Variants in IL17RA observed in about 807,000 individuals in gnomAD.
The protein encoded by IL17RA is interleukin 17 receptor A, also known as interleukin-17 receptor A.
A neutral mutation model predicts 50.4 loss-of-function variants in IL17RA; 34 were observed. That is an observed-to-expected ratio of 0.67 (90% CI 0.51 to 0.90). The LOEUF is 0.90. IL17RA is among the 40% of genes least tolerant of loss of function. IL17RA has a pLI of 0.00. For missense variants in IL17RA, 1,276 were observed against 1,169.8 expected, an observed-to-expected ratio of 1.09 and a Z score of -1.32; for synonymous variants, 585 against 510.4, an observed-to-expected ratio of 1.15 and a Z score of -1.97.
Position 17,108,588 on chromosome 22 carries a change from G to A in IL17RA, c.1369G>A (p.Ala457Thr). Reference protein sequence around the residue: ...CSRGTRAKWQALLGRGAPVRL... With the variant: ...CSRGTRAKWQTLLGRGAPVRL... ...CCGCGGCACGCGCGCCAAGTGGCAG[G>A]CGCTCCTGGGCCGGGGGGCGCCTGT... The change falls in exon 13 of 13, where the codon GCG becomes ACG. Residue 457 changes from alanine (A) to threonine (T), a missense_variant. Transcript: ENST00000319363. The A allele has an allele frequency of 6.2e-7, 1 of 1,605,286 alleles. No individual in the cohort carries two copies. Among genetic ancestry groups the A allele is most frequent in the Non-Finnish European group, 8.5e-7 (1 of 1,179,670 alleles).
chr22:17,097,223 G>A (rs112952796), intron 2 of IL17RA, 137 bp downstream of exon 2: 75 of 800,030 alleles, frequency 9.4e-5, no homozygotes, highest in African/African-American at 5.7e-4. Flanking sequence ...GAGGGTTCCC[G>A]GAGAATTGTG....
intron 7 of IL17RA, 148 bp downstream of exon 7, chr22:17,102,450 C>T (rs531611881): frequency 5.0e-5 from 43 of 866,976 alleles, no homozygotes; most frequent in Non-Finnish European, 7.3e-5. Flanking sequence ...TGGCGCCTTG[C>T]CCTTTTTCTT....
chr22:17,094,679 C>CTATATA (rs1165282064), intron 1 of IL17RA, among the ~76,000 whole-genome samples: 1 of 48,932 alleles, frequency 2.0e-5, no homozygotes, highest in South Asian at 5.7e-4. Flanking sequence ...CTCTCTCTCT[C>CTATATA]TCTCTCTCTC....
Position 17,110,822 on chromosome 22 carries a change from G to C in IL17RA, c.*1002G>C, listed in dbSNP as rs1266002821. On this transcript the variant is annotated 3_prime_UTR_variant, in exon 13 of 13. Transcript: ENST00000319363. ...AGCCTGGGCAGCAGAGTGAGACCCT[G>C]TCTCAAAAAAAATAAAAAAGTAGAA... The C allele has an allele frequency of 6.6e-6, 1 of 152,392 alleles. No homozygotes were observed. The highest frequency in any genetic ancestry group is 2.4e-5 in the African/African-American group (1 of 41,426). 9.4% of individuals were successfully genotyped at this position (152,392 alleles called of 1,614,324 possible).
At position 17,108,610 on chromosome 22, in the gene IL17RA, C is replaced by T. The variant is rs746436173; in HGVS notation, c.1391C>T (p.Pro464Leu). ...KWQALLGRGA[P>L]VRLRCDHGKP... ...CAGGCGCTCCTGGGCCGGGGGGCGCCTGTGCGGCTGCGCTGCGACCACGGA... is the reference window on the plus strand; with the variant it reads ...CAGGCGCTCCTGGGCCGGGGGGCGCTTGTGCGGCTGCGCTGCGACCACGGA... The change falls in exon 13 of 13, where the codon CCT (proline) becomes CTT (leucine). Residue 464 changes from proline to leucine, a missense_variant. By Grantham distance (98) the Pro-to-Leu change is moderately conservative (BLOSUM62 -3). Coordinates refer to ENST00000319363, the MANE Select transcript of IL17RA (RefSeq NM_014339.7). 5 of 1,604,426 alleles carry T rather than the reference C, an allele frequency of 3.1e-6. No individual in the cohort carries two copies. In the African/African-American group the frequency reaches 6.7e-5, roughly 21 times the overall value.
chr22:17,098,894 A>G lies in IL17RA; in HGVS notation c.423+7A>G. 6.2e-7 allele frequency: 1 copy of G among 1,606,862 alleles called. No individual in the cohort carries two copies. The highest frequency in any genetic ancestry group is 8.5e-7 in the Non-Finnish European group (1 of 1,173,360). ...GAGGCATCACCACAGGCGGGTAAGA[A>G]CACAGCTCCTGAGTGGATTATGTTC... On this transcript the variant is annotated splice_region_variant and intron_variant, in intron 4 of 12. Coordinates refer to ENST00000319363, the MANE Select transcript of IL17RA (RefSeq NM_014339.7).
chr22:17,106,302 C>T (rs964464954), intron 11 of IL17RA, among the ~76,000 whole-genome samples: 12 of 152,142 alleles, frequency 7.9e-5, no homozygotes, highest in African/African-American at 9.7e-5. Flanking sequence ...AGCCGCCAGA[C>T]GTGGACGCCT....
intron 3 of IL17RA, 61 bp from the exon 4 acceptor site, chr22:17,098,714 C>A: frequency 7.5e-7 from 1 of 1,341,902 alleles, no homozygotes; most frequent in Non-Finnish European, 1.1e-6. Context: ...GGAAGTGACA[C>A]ACCCAGCACT....
chr22:17,086,832 G>C (rs1286354659), intron 1 of IL17RA, among the ~76,000 whole-genome samples: 1 of 152,238 alleles, frequency 6.6e-6, no homozygotes, highest in Non-Finnish European at 1.5e-5. Context: ...AAGTGGGACA[G>C]GGTACGGTGT....
chr22:17,110,129 G>A lies in IL17RA; in HGVS notation c.*309G>A, dbSNP rs915443106. The A allele has an allele frequency of 2.4e-6, 1 of 415,694 alleles. No individual in the cohort carries two copies. Among genetic ancestry groups the A allele is most frequent in the African/African-American group, 2.0e-5 (1 of 49,250 alleles). The allele number at this position is 415,694 out of a possible 1,614,324, so 25.8% of individuals were successfully genotyped here. On this transcript the variant is annotated 3_prime_UTR_variant, in exon 13 of 13. Coordinates refer to ENST00000319363, the MANE Select transcript of IL17RA (RefSeq NM_014339.7). ...CACCTACTATGTGGCGGGCATTTGG[G>A]ATACCAAGATAAATTGCATGCGGCA...
At position 17,109,592 on chromosome 22, in the gene IL17RA, G is replaced by C. The variant is rs1479647846; in HGVS notation, c.2373G>C (p.Gln791His). ...PYEEEQRQSV[Q>H]SDQGYISRSS... ...AGGAGGAGCAGCGGCAGTCAGTGCAGTCTGACCAGGGCTACATCTCCAGGA... is the reference window on the plus strand; with the variant it reads ...AGGAGGAGCAGCGGCAGTCAGTGCACTCTGACCAGGGCTACATCTCCAGGA... Residue 791 changes from glutamine to histidine, a missense_variant, in exon 13 of 13, where the codon CAG (glutamine) becomes CAC (histidine). By Grantham distance (24) the Gln-to-His change is conservative (BLOSUM62 0). Coordinates refer to ENST00000319363, the MANE Select transcript of IL17RA (RefSeq NM_014339.7). The C allele has an allele frequency of 1.9e-6, 3 of 1,602,818 alleles. No homozygotes were observed. The highest frequency in any genetic ancestry group is 2.6e-6 in the Non-Finnish European group (3 of 1,174,884).
At chr22:17,103,632 A>C (rs538152258) in intron 8 of IL17RA, 55 bp downstream of exon 8, 102 of 1,319,286 alleles carry the variant, frequency 7.7e-5, no homozygotes, top group Admixed American at 3.0e-4. Context: ...GCAATTATAG[A>C]GTGGACAGGA....
rs371055145 is a variant in IL17RA, at chr22:17,108,974, C to A, written c.1755C>A (p.Phe585Leu). ...GGCAGGTCCGCTGTCCCGACTGGTTCGAATGTGAGAACCTCTACTCAGCAG... is the reference window on the plus strand; with the variant it reads ...GGCAGGTCCGCTGTCCCGACTGGTTAGAATGTGAGAACCTCTACTCAGCAG... ...RDWQVRCPDWFECENLYSADD... is the reference protein window; with the variant it reads ...RDWQVRCPDWLECENLYSADD... The change falls in exon 13 of 13, where the codon TTC becomes TTA. Residue 585 changes from phenylalanine to leucine, a missense_variant. By Grantham distance (22) the Phe-to-Leu change is conservative (BLOSUM62 0). Transcript: ENST00000319363. 15 of 1,605,010 alleles carry A rather than the reference C, an allele frequency of 9.3e-6. No homozygotes were observed. The highest frequency in any genetic ancestry group is 1.2e-5 in the Non-Finnish European group (14 of 1,178,966).
Position 17,103,496 on chromosome 22 carries a change from CA to C in IL17RA, c.766del (p.Arg256AspfsTer88). On this transcript the variant is annotated frameshift_variant, in exon 8 of 13. Coordinates refer to ENST00000319363, the MANE Select transcript of IL17RA (RefSeq NM_014339.7). LOFTEE classifies it high-confidence loss of function. ...CCCATCCTCGCCTCTCTCCTCAGCC[CA>C]GACCAGAAGAGTTCCACCAGCGATC... Reference protein sequence around the residue: ...FEHMHHIPAPRPEEFHQRSNV... With the variant: ...FEHMHHIPAPXPEEFHQRSNV... 1 of 1,613,876 alleles carries C rather than the reference CA, an allele frequency of 6.2e-7. No homozygotes were observed. The highest frequency in any genetic ancestry group is 8.5e-7 in the Non-Finnish European group (1 of 1,179,866).
At chr22:17,097,200 C>T in intron 2 of IL17RA, 114 bp downstream of exon 2, 2 of 980,904 alleles carry the variant, frequency 2.0e-6, no homozygotes, top group South Asian at 1.3e-5. Context: ...CTGTGAGCTA[C>T]AGCCATCCGC....
Position 17,102,218 on chromosome 22 carries a change from A to G in IL17RA, c.678A>G (p.Glu226=), listed in dbSNP as rs762107871. Reference sequence around the variant, plus strand: ...GTGTGAGCTTCACCCTGTGGAACGAATCTACCCATTACCAGATCCTGCTGA... The same window carrying G: ...GTGTGAGCTTCACCCTGTGGAACGAGTCTACCCATTACCAGATCCTGCTGA... ...QLRVSFTLWN[E]STHYQILLTS... is the part of the protein sequence containing the mutation. The change falls in exon 7 of 13, where the codon GAA becomes GAG. Residue 226 remains glutamate (E), a synonymous_variant. Transcript: ENST00000319363. 4 of 1,614,164 alleles carry G rather than the reference A, an allele frequency of 2.5e-6. No homozygotes were observed. The highest frequency in any genetic ancestry group is 1.1e-5 in the South Asian group (1 of 91,078).
intron 1 of IL17RA, among the ~76,000 whole-genome samples, chr22:17,087,682 C>T (rs5992625): frequency 2.0e-5 from 3 of 152,302 alleles, no homozygotes; most frequent in African/African-American, 7.2e-5. Flanking sequence ...AATCATTACA[C>T]GAGAAACCAT....
In IL17RA at chr22:17,104,964, C is replaced by A. The variant is rs188551436; in HGVS notation, c.931+154C>A. Reference sequence around the variant, plus strand: ...TTCAGGCCTGAAGTGTGGAGTGGGGCTTTAGAGTGTCACTCCCTGGGGCTG... The same window carrying A: ...TTCAGGCCTGAAGTGTGGAGTGGGGATTTAGAGTGTCACTCCCTGGGGCTG... On this transcript the variant is annotated intron_variant, in intron 9 of 12. Transcript: ENST00000319363. Among the ~76,000 whole-genome samples the A allele has an allele frequency of 6.6e-5, 10 of 152,270 alleles. No individual in the cohort carries two copies. The South Asian group carries it at 2.1e-3, about 32-fold the overall frequency.
chr22:17,089,530 C>T (rs1177545530), intron 1 of IL17RA, among the ~76,000 whole-genome samples: 1 of 152,172 alleles, frequency 6.6e-6, no homozygotes, highest in Admixed American at 6.5e-5. Context: ...CAAGATGCCT[C>T]ACGTAATGCC....
Sources: allele counts gnomAD v4.1 joint callset (sites outside exome capture counted in the v4.1 genomes callset), GRCh38; gene constraint gnomAD v4.1.1; transcripts MANE v1.5; gene names NCBI Gene and HGNC (gene_info 2026-07-23, HGNC 2026-07-21).